The following PPM1E variants were observed in gnomAD, a reference collection of about 807,000 sequenced individuals.
The protein encoded by PPM1E is protein phosphatase, Mg2+/Mn2+ dependent 1E.
A neutral mutation model predicts 65.9 loss-of-function variants in PPM1E; 20 were observed. The ratio of observed to expected loss-of-function variants is 0.30; its 90% CI spans 0.21 to 0.44. The LOEUF (loss-of-function observed/expected upper bound fraction) is 0.44, where lower values mean the gene tolerates loss of function less well. Ranked by LOEUF, PPM1E falls within the 20% of genes least tolerant of loss-of-function variation. The probability of loss-of-function intolerance (pLI) is 1.00; values close to 1 mark genes in which losing one functional copy is unlikely to be tolerated. For missense variants in PPM1E, 713 were observed against 953.1 expected, an observed-to-expected ratio of 0.75 and a Z score of 3.32; for synonymous variants, 352 against 374.9, an observed-to-expected ratio of 0.94 and a Z score of 0.70.
intron 1 of PPM1E, among the ~76,000 whole-genome samples, chr17:58,784,490 C>T (rs982881224): frequency 4.7e-5 from 7 of 150,092 alleles, no homozygotes; most frequent in African/African-American, 1.2e-4. Flanking sequence ...CCTTTACCCT[C>T]CTCCCCCCCA....
intron 1 of PPM1E, among the ~76,000 whole-genome samples, chr17:58,882,843 C>T (rs1000559103): frequency 2.0e-5 from 3 of 151,964 alleles, no homozygotes; most frequent in African/African-American, 7.3e-5. Flanking sequence ...TCAAAATTCT[C>T]AGATTTTCTC....
chr17:58,938,700 T>A (rs1403751668), intron 1 of PPM1E, among the ~76,000 whole-genome samples: 2 of 151,958 alleles, frequency 1.3e-5, no homozygotes, highest in Non-Finnish European at 2.9e-5. Context: ...GGCCCCATTA[T>A]GAAATTTAAA....
intron 1 of PPM1E, among the ~76,000 whole-genome samples, chr17:58,929,583 A>T (rs929077393): frequency 6.6e-6 from 1 of 152,170 alleles, no homozygotes; most frequent in African/African-American, 2.4e-5. Context: ...ATAGATAGCA[A>T]AATATTAATG....
At position 58,960,673 on chromosome 17, in the gene PPM1E, G is replaced by A. The variant is rs147434962; in HGVS notation, c.583+4906G>A. ...GCCTGTAATCCCAGCTACTCGGGAGGCTGAGGCAGGAGAATTGAGGAGGCG... is the reference window on the plus strand; with the variant it reads ...GCCTGTAATCCCAGCTACTCGGGAGACTGAGGCAGGAGAATTGAGGAGGCG... On this transcript the variant is annotated intron_variant, in intron 2 of 6. Transcript: ENST00000308249. Among the ~76,000 whole-genome samples the A allele has an allele frequency of 4.6e-3, 705 of 151,628 alleles. 5 individuals are homozygous for A. Among genetic ancestry groups the A allele is most frequent in the African/African-American group, 0.016 (676 of 41,290 alleles).
chr17:58,768,948 T>A (rs927246662), intron 1 of PPM1E, among the ~76,000 whole-genome samples: 4 of 152,170 alleles, frequency 2.6e-5, no homozygotes, highest in Admixed American at 1.3e-4. Flanking sequence ...GGATTACAGG[T>A]GTGAGCCAAT....
intron 1 of PPM1E, among the ~76,000 whole-genome samples, chr17:58,855,933 A>T (rs2050877760): frequency 6.6e-6 from 1 of 152,208 alleles, no homozygotes; most frequent in Non-Finnish European, 1.5e-5. Context: ...TGCTATACAG[A>T]TTTATCAAAG....
chr17:58,779,261 C>G (rs190416282), intron 1 of PPM1E, among the ~76,000 whole-genome samples: 15 of 150,840 alleles, frequency 9.9e-5, no homozygotes, highest in Non-Finnish European at 1.6e-4. Flanking sequence ...CTGCAACCTC[C>G]GCTTCCTGGG....
chr17:58,774,900 T>C (rs2144187226), intron 1 of PPM1E, among the ~76,000 whole-genome samples: 1 of 152,064 alleles, frequency 6.6e-6, no homozygotes, highest in South Asian at 2.1e-4. Flanking sequence ...GTCTCCAGGC[T>C]GGAGTGCAGT....
intron 1 of PPM1E, chr17:58,785,597 A>C (rs1598569827): frequency 6.7e-6 from 1 of 150,104 alleles, no homozygotes; most frequent in South Asian, 2.1e-4. Context: ...GGCATGAGCC[A>C]CCTTGCCCAG....
intron 1 of PPM1E, among the ~76,000 whole-genome samples, chr17:58,937,804 C>T (rs1405807903): frequency 3.4e-4 from 47 of 140,114 alleles, no homozygotes; most frequent in African/African-American, 1.2e-3. Context: ...TGCTTGAACC[C>T]GGGAGGTGGA....
intron 2 of PPM1E, among the ~76,000 whole-genome samples, chr17:58,960,591 A>G (rs938298433): frequency 6.6e-6 from 1 of 152,044 alleles, no homozygotes; most frequent in Admixed American, 6.6e-5. Context: ...TCTGGCCAAC[A>G]TGGTGAAATT....
rs1489462663 is a variant in PPM1E at position 58,975,237 on chromosome 17, TG to T, written c.1210+2313del. On this transcript the variant is annotated intron_variant, in intron 6 of 6. Transcript: ENST00000308249. ...CACCTATTTCTCCTGATCTGACCTT[TG>T]TCAGAGGATTGAGGATCATCTTTAA... 2.6e-5 allele frequency among the ~76,000 whole-genome samples: 4 copies of T among 152,360 alleles called. No individual in the cohort carries two copies. The East Asian group carries it at 7.7e-4, about 29-fold the overall frequency.
intron 1 of PPM1E, among the ~76,000 whole-genome samples, chr17:58,952,004 A>G (rs1483881468): frequency 2.0e-5 from 3 of 152,178 alleles, no homozygotes; most frequent in East Asian, 1.9e-4. Context: ...AGTAGTTTTC[A>G]TAGGGAAAGA....
intron 1 of PPM1E, among the ~76,000 whole-genome samples, chr17:58,784,300 G>T (rs2050077572): frequency 6.6e-6 from 1 of 152,118 alleles, no homozygotes; most frequent in African/African-American, 2.4e-5. Context: ...TGGGATTACA[G>T]GCATGAGCCA....
intron 1 of PPM1E, among the ~76,000 whole-genome samples, chr17:58,931,502 G>A (rs1358723190): frequency 6.6e-6 from 1 of 151,962 alleles, no homozygotes; most frequent in African/African-American, 2.4e-5. Flanking sequence ...GATTGAGAGA[G>A]TACATCATGA....
intron 1 of PPM1E, among the ~76,000 whole-genome samples, chr17:58,928,864 G>A (rs753682097): frequency 2.6e-5 from 4 of 151,930 alleles, no homozygotes; most frequent in Non-Finnish European, 4.4e-5. Flanking sequence ...CACCACGCCC[G>A]GCTAATATTT....
chr17:58,775,777 G>T (rs1328477129), intron 1 of PPM1E, among the ~76,000 whole-genome samples: 1 of 150,314 alleles, frequency 6.7e-6, no homozygotes, highest in East Asian at 1.9e-4. Context: ...AGCCGGGCGC[G>T]GTGGCGGGCG....
At chr17:58,977,020 T>G (rs2031043687) in intron 6 of PPM1E, among the ~76,000 whole-genome samples, 1 of 152,142 alleles carries the variant, frequency 6.6e-6, no homozygotes, top group Non-Finnish European at 1.5e-5. Flanking sequence ...TCTTTTAAAT[T>G]TTTGCATTTT....
At chr17:58,805,751 C>T (rs903133414) in intron 1 of PPM1E, among the ~76,000 whole-genome samples, 2 of 151,616 alleles carry the variant, frequency 1.3e-5, no homozygotes, top group Non-Finnish European at 2.9e-5. Flanking sequence ...AAACAATGTG[C>T]GGTTTCATTT....
Sources: allele counts gnomAD v4.1 joint callset (sites outside exome capture counted in the v4.1 genomes callset), GRCh38; gene constraint gnomAD v4.1.1; transcripts MANE v1.5; gene names NCBI Gene and HGNC (gene_info 2026-07-23, HGNC 2026-07-21).